TNIK: variants seen among roughly 807,000 people sequenced by gnomAD.
TNIK encodes the protein TRAF2 and NCK-interacting protein kinase.
Under a neutral mutation model 191.3 loss-of-function variants are expected in TNIK, and 49 were observed. The observed-to-expected ratio is 0.26, with a 90% CI of 0.20 to 0.32. The LOEUF (loss-of-function observed/expected upper bound fraction) is 0.32. Among genes scored for constraint, TNIK ranks in the 10% least tolerant of loss-of-function variants. The pLI, the probability that TNIK is intolerant of heterozygous loss-of-function variation, is 1.00. For missense variants in TNIK, 1,155 were observed against 1,702.3 expected (o/e 0.68, Z 5.66); for synonymous variants, 594 against 600.9 (o/e 0.99, Z 0.17).
At chr3:171,206,397 T>A (rs995462930) in intron 4 of TNIK, among the ~76,000 whole-genome samples, 1 of 147,976 alleles carries the variant, frequency 6.8e-6, no homozygotes, top group Non-Finnish European at 1.5e-5. Flanking sequence ...AATGAACACA[T>A]ACACATCAGG....
intron 25 of TNIK, 143 bp from the exon 26 acceptor site, chr3:171,084,468 C>CTT: frequency 1.0e-6 from 1 of 981,592 alleles, no homozygotes; most frequent in Non-Finnish European, 1.5e-6. Flanking sequence ...TTATTTTACA[C>CTT]TTTTTTTTTG....
In TNIK at chr3:171,297,907, A is replaced by T. The variant is rs183658853; in HGVS notation, c.124-69686T>A. Among the ~76,000 whole-genome samples the T allele has an allele frequency of 2.0e-5, 3 of 152,346 alleles. No homozygotes were observed. In the East Asian group the frequency reaches 5.8e-4, roughly 29 times the overall value. Reference sequence around the variant, plus strand: ...TGCACTTCTAAAGAGTGGCAATTAAATCTCTACTTTGACTTATGTGGAGAG... The same window carrying T: ...TGCACTTCTAAAGAGTGGCAATTAATTCTCTACTTTGACTTATGTGGAGAG... On this transcript the variant is annotated intron_variant, in intron 2 of 32. Transcript: ENST00000436636.
intron 2 of TNIK, among the ~76,000 whole-genome samples, chr3:171,279,956 C>A (rs1045788818): frequency 4.6e-5 from 7 of 152,152 alleles, no homozygotes; most frequent in Non-Finnish European, 8.8e-5. Flanking sequence ...ATAGTTCATG[C>A]ACCATAAAGA....
rs1728445414 is a variant in TNIK, at chr3:171,126,121, C to T, written c.1804G>A (p.Gly602Arg). ...IPHLVAVKSQ[G>R]PALTASQSVH... ...GACTGGGAGGCGGTCAAGGCAGGTCCCTGGGATTTTACAGCTACCAGATGT... is the reference window on the plus strand; with the variant it reads ...GACTGGGAGGCGGTCAAGGCAGGTCTCTGGGATTTTACAGCTACCAGATGT... Residue 602 changes from glycine (G) to arginine (R), a missense_variant, in exon 17 of 33, where the codon GGA (glycine) becomes AGA (arginine). By Grantham distance (125) the Gly-to-Arg change is moderately radical (BLOSUM62 -2). Around this residue, in one of 3 missense-constraint regions of TNIK, gnomAD observed 735 missense variants for 848.0 expected, o/e 0.87. Transcript: ENST00000436636. The T allele has an allele frequency of 6.4e-7, 1 of 1,558,522 alleles. No individual in the cohort carries two copies. Among genetic ancestry groups the T allele is most frequent in the Non-Finnish European group, 8.7e-7 (1 of 1,155,090 alleles).
chr3:171,115,402 A>G (rs1218707682), intron 18 of TNIK, among the ~76,000 whole-genome samples: 1 of 152,248 alleles, frequency 6.6e-6, no homozygotes, highest in African/African-American at 2.4e-5. Flanking sequence ...TTACAACACA[A>G]TCATGGAGAT....
Position 171,215,381 on chromosome 3 carries a change from T to C in TNIK, c.181-4140A>G, listed in dbSNP as rs16855969. ...CAGGAGGTATGTATGAACTATCTTA[T>C]TGAGCACTCAGAACAGCTATGAAGC... On this transcript the variant is annotated intron_variant, in intron 3 of 32. Transcript: ENST00000436636. 2.6e-3 allele frequency among the ~76,000 whole-genome samples: 392 copies of C among 152,292 alleles called. 1 individual carries two copies. Among genetic ancestry groups the C allele is most frequent in the African/African-American group, 8.4e-3 (350 of 41,552 alleles).
chr3:171,303,918 G>A (rs1047448853), intron 2 of TNIK, among the ~76,000 whole-genome samples: 1 of 152,036 alleles, frequency 6.6e-6, no homozygotes, highest in African/African-American at 2.4e-5. Context: ...TCCGAGGCAA[G>A]GAACCTTTAT....
rs549718296 is a variant in TNIK at position 171,099,236 on chromosome 3, T to C, written c.2591+2213A>G. Among the ~76,000 whole-genome samples, 12 of 152,244 alleles carry C rather than the reference T, an allele frequency of 7.9e-5. No individual in the cohort carries two copies. The South Asian group carries it at 1.2e-3, about 16-fold the overall frequency. On this transcript the variant is annotated intron_variant, in intron 22 of 32. Coordinates refer to ENST00000436636, the MANE Select transcript of TNIK (RefSeq NM_015028.4). ...TTCAATGGTTTCCAATGGCTACATA[T>C]AAAGAGCACACTTCTTGGTCTGATT...
intron 2 of TNIK, among the ~76,000 whole-genome samples, chr3:171,274,845 T>C (rs114186556): frequency 1.5e-3 from 225 of 152,290 alleles, no homozygotes; most frequent in African/African-American, 5.2e-3. Flanking sequence ...GGAAGGGTGA[T>C]AATTAATGAA....
chr3:171,351,195 C>G (rs2108438361), intron 2 of TNIK, among the ~76,000 whole-genome samples: 1 of 151,864 alleles, frequency 6.6e-6, no homozygotes, highest in South Asian at 2.1e-4. Context: ...CTGGGCTGCC[C>G]TATGTATTCT....
intron 28 of TNIK, among the ~76,000 whole-genome samples, chr3:171,078,483 CT>C (rs138211654): frequency 1.5e-4 from 23 of 150,690 alleles, no homozygotes; most frequent in African/African-American, 4.6e-4. Flanking sequence ...TTTGTTCTAC[CT>C]TTTTTTTTAA....
chr3:171,305,009 TAAA>T (rs36069177), intron 2 of TNIK, among the ~76,000 whole-genome samples: 3 of 77,276 alleles, frequency 3.9e-5, no homozygotes, highest in African/African-American at 9.0e-5. Context: ...AAAGTATAAT[TAAA>T]AAAAAAAAAA....
intron 21 of TNIK, chr3:171,106,874 C>T (rs1724984842): frequency 2.0e-6 from 1 of 511,416 alleles, no homozygotes; most frequent in Non-Finnish European, 3.9e-6. Context: ...CTGGCAAGTA[C>T]AGGTTTGCTA....
At chr3:171,109,078 T>C (rs1725429609) in intron 19 of TNIK, among the ~76,000 whole-genome samples, 1 of 152,134 alleles carries the variant, frequency 6.6e-6, no homozygotes, top group Non-Finnish European at 1.5e-5. Context: ...ATTAAAATGG[T>C]ATGCGTTTAA....
intron 2 of TNIK, among the ~76,000 whole-genome samples, chr3:171,263,249 T>C (rs1415391474): frequency 6.6e-6 from 1 of 152,184 alleles, no homozygotes; most frequent in African/African-American, 2.4e-5. Context: ...TGATGCTACT[T>C]GTAAAAAAAA....
chr3:171,128,887 C>CA lies in TNIK; in HGVS notation c.1609-10dup, dbSNP rs59293515. On this transcript the variant is annotated splice_polypyrimidine_tract_variant and intron_variant, in intron 15 of 32. Coordinates refer to ENST00000436636, the MANE Select transcript of TNIK (RefSeq NM_015028.4). ...CTTGACCGTTCTTCTACCTACAACC[C>CA]AAAAAAAAAAAAAAAAAAAAGACAG... The CA allele has an allele frequency of 0.039, 46,934 of 1,218,564 alleles. 173 individuals carry two copies. Among genetic ancestry groups the CA allele is most frequent in the African/African-American group, 0.089 (4,357 of 48,952 alleles). The allele number at this position is 1,218,564 out of a possible 1,614,324, so 75.5% of individuals were successfully genotyped here.
At chr3:171,086,685 T>C (rs1721400352) in intron 24 of TNIK, among the ~76,000 whole-genome samples, 1 of 152,238 alleles carries the variant, frequency 6.6e-6, no homozygotes. Flanking sequence ...TTACGTGTGA[T>C]TGACAAGACT....
intron 2 of TNIK, among the ~76,000 whole-genome samples, chr3:171,273,992 C>T (rs1749430395): frequency 6.6e-6 from 1 of 152,182 alleles, no homozygotes; most frequent in African/African-American, 2.4e-5. Flanking sequence ...ATTTCTCTAC[C>T]TCATCTTACA....
chr3:171,205,774 T>C (rs1018858027), intron 4 of TNIK, among the ~76,000 whole-genome samples: 4 of 151,976 alleles, frequency 2.6e-5, no homozygotes, highest in African/African-American at 7.3e-5. Context: ...AAAGCCGAGG[T>C]CTTTCCAATG....
Sources: gnomAD v4.1 joint callset for allele counts (sites outside exome capture counted in the v4.1 genomes callset) on GRCh38, gnomAD v4.1.1 for gene constraint, gnomAD v4.1.1 regional missense constraint, MANE v1.5 for transcripts, NCBI Gene and HGNC (gene_info 2026-07-23, HGNC 2026-07-21) for gene names.